WFDC1: variants seen among roughly 807,000 people sequenced by gnomAD.
WFDC1 encodes WAP four-disulfide core domain protein 1.
WFDC1 carries 39 observed loss-of-function variants against 32.9 expected under a neutral mutation model. The ratio of observed to expected loss-of-function variants is 1.19; its 90% CI spans 0.92 to 1.55. The LOEUF (loss-of-function observed/expected upper bound fraction) is 1.55, where lower values mean the gene tolerates loss of function less well. Ranked by LOEUF, WFDC1 falls within the 40% of genes most tolerant of loss-of-function variation. The pLI is 0.00. For synonymous variants in WFDC1, 184 were observed against 137.4 expected (o/e 1.34, Z -2.37); for missense variants, 386 against 309.5 (o/e 1.25, Z -1.85).
intron 1 of WFDC1, among the ~76,000 whole-genome samples, chr16:84,298,141 T>A (rs571069701): frequency 1.3e-5 from 2 of 152,224 alleles, no homozygotes; most frequent in East Asian, 1.9e-4. Flanking sequence ...GGAAAGAATT[T>A]TTTTTTTTTA....
At chr16:84,308,924 C>T (rs1335105128) in intron 1 of WFDC1, among the ~76,000 whole-genome samples, 5 of 152,082 alleles carry the variant, frequency 3.3e-5, no homozygotes, top group East Asian at 1.9e-4. Context: ...GGCATAGATG[C>T]CATCCTGGGT....
At chr16:84,322,160 C>CGTGCGTGTGTGTGT (rs1555546147) in intron 4 of WFDC1, among the ~76,000 whole-genome samples, 2 of 142,186 alleles carry the variant, frequency 1.4e-5, no homozygotes, top group Non-Finnish European at 3.1e-5. Context: ...TGTGTGTGTG[C>CGTGCGTGTGTGTGT]GTGTGTGTGT....
At chr16:84,302,371 T>A (rs533441668) in intron 1 of WFDC1, among the ~76,000 whole-genome samples, 1 of 152,256 alleles carries the variant, frequency 6.6e-6, no homozygotes, top group South Asian at 2.1e-4. Flanking sequence ...GCATGTTATA[T>A]ATATTTTACC....
intron 5 of WFDC1, chr16:84,326,643 T>G: frequency 2.0e-6 from 1 of 508,406 alleles, no homozygotes. Flanking sequence ...CTGGAGTGTG[T>G]GGTGAGCTGT....
chr16:84,307,872 G>T (rs192833708), intron 1 of WFDC1, among the ~76,000 whole-genome samples: 2 of 152,098 alleles, frequency 1.3e-5, no homozygotes, highest in East Asian at 3.9e-4. Flanking sequence ...CACCTGCTGC[G>T]GCTGGAAAGT....
intron 6 of WFDC1, chr16:84,327,785 C>G (rs553498046): frequency 2.0e-5 from 3 of 152,230 alleles, no homozygotes; most frequent in Non-Finnish European, 4.4e-5. Flanking sequence ...TCATTTCTGT[C>G]AAACAATTCT....
At chr16:84,308,094 G>T (rs747329070) in intron 1 of WFDC1, among the ~76,000 whole-genome samples, 2 of 152,166 alleles carry the variant, frequency 1.3e-5, no homozygotes, top group Non-Finnish European at 1.5e-5. Context: ...TAAAAAGAAG[G>T]GTTCTCTGGG....
At chr16:84,311,461 C>T (rs1257637574) in intron 1 of WFDC1, among the ~76,000 whole-genome samples, 1 of 148,056 alleles carries the variant, frequency 6.8e-6, no homozygotes, top group East Asian at 2.0e-4. Flanking sequence ...ATCTCCTGAC[C>T]TCATGATCCA....
chr16:84,307,872 G>C (rs192833708), intron 1 of WFDC1, among the ~76,000 whole-genome samples: 1 of 152,098 alleles, frequency 6.6e-6, no homozygotes. Context: ...CACCTGCTGC[G>C]GCTGGAAAGT....
intron 1 of WFDC1, among the ~76,000 whole-genome samples, chr16:84,303,930 A>T (rs1053228747): frequency 8.5e-5 from 13 of 152,156 alleles, no homozygotes; most frequent in Admixed American, 3.9e-4. Context: ...AGTATGTGCT[A>T]TTTGGTGTCT....
chr16:84,324,311 T>G, intron 4 of WFDC1, 108 bp from the exon 5 acceptor site: 73 of 955,838 alleles, frequency 7.6e-5, no homozygotes, highest in Non-Finnish European at 1.1e-4. Flanking sequence ...TGTACACTAG[T>G]GAGATGGGGA....
At chr16:84,310,466 C>G (rs1012908714) in intron 1 of WFDC1, among the ~76,000 whole-genome samples, 4 of 152,098 alleles carry the variant, frequency 2.6e-5, no homozygotes, top group African/African-American at 9.7e-5. Context: ...TGCCCTCGCT[C>G]TGCATGGAGA....
chr16:84,313,500 A>ATGCG (rs1329877950), intron 2 of WFDC1, among the ~76,000 whole-genome samples: 1 of 152,208 alleles, frequency 6.6e-6, no homozygotes, highest in Non-Finnish European at 1.5e-5. Flanking sequence ...CGCTGATAGG[A>ATGCG]TGCGGGTGCA....
chr16:84,318,698 G>C (rs191339324), intron 3 of WFDC1: 31 of 234,296 alleles, frequency 1.3e-4, no homozygotes, highest in Admixed American at 6.9e-4. Context: ...CCCTGGGGGT[G>C]GGGGAGGTAC....
At chr16:84,325,310 C>T (rs1908527244) in intron 5 of WFDC1, among the ~76,000 whole-genome samples, 1 of 151,590 alleles carries the variant, frequency 6.6e-6, no homozygotes, top group Non-Finnish European at 1.5e-5. Flanking sequence ...TCAAGCAGTT[C>T]TCCTGCGTCA....
In WFDC1 at chr16:84,319,494, G is replaced by A; in HGVS notation, c.485G>A (p.Cys162Tyr). 1 of 1,612,750 alleles carries A rather than the reference G, an allele frequency of 6.2e-7. No homozygotes were observed. Among genetic ancestry groups the A allele is most frequent in the Non-Finnish European group, 8.5e-7 (1 of 1,179,956 alleles). Residue 162 changes from cysteine (C) to tyrosine (Y), a missense_variant, in exon 4 of 7, where the codon TGC becomes TAC. Coordinates refer to ENST00000219454, the MANE Select transcript of WFDC1 (RefSeq NM_021197.4). ...CTGCTCTGTCCCTCGGGCTATGAGT[G>A]CCACATCCTGAGCCCAGGTGACGTG... ...EPLLCPSGYE[C>Y]HILSPGDVAE... is the part of the protein sequence containing the mutation.
At chr16:84,319,175 C>T (rs948483014) in intron 3 of WFDC1, 1 of 539,470 alleles carries the variant, frequency 1.9e-6, no homozygotes, top group Admixed American at 3.4e-5. Context: ...GTTGCTGAGC[C>T]TGTGAGAGTA....
rs372403601 is a variant in WFDC1, at chr16:84,294,944, G to C, written c.-28G>C. 1 of 1,603,014 alleles carries C rather than the reference G, an allele frequency of 6.2e-7. No homozygotes were observed. The highest frequency in any genetic ancestry group is 8.5e-7 in the Non-Finnish European group (1 of 1,174,416). ...CGAGGGGGGCCCCTCTTCTGTGTGC[G>C]TCTGGAAGGTCGCTGCCCAGGGAGG... On this transcript the variant is annotated 5_prime_UTR_variant, in exon 1 of 7. Coordinates refer to ENST00000219454, the MANE Select transcript of WFDC1 (RefSeq NM_021197.4).
chr16:84,304,015 A>G (rs16963342), intron 1 of WFDC1, among the ~76,000 whole-genome samples: 10,756 of 152,236 alleles, frequency 0.071, 1,200 homozygotes, highest in African/African-American at 0.24. Context: ...TGGTGGATCG[A>G]CATCTTCCTT....
Sources: allele counts gnomAD v4.1 joint callset (sites outside exome capture counted in the v4.1 genomes callset), GRCh38; gene constraint gnomAD v4.1.1; transcripts MANE v1.5; gene names NCBI Gene and HGNC (gene_info 2026-07-23, HGNC 2026-07-21).